Variants in SEL1L3 observed in about 807,000 individuals in gnomAD.
The protein encoded by SEL1L3 is SEL1L family member 3.
In SEL1L3, 76 loss-of-function variants were observed where a neutral mutation model predicts 142.8. That is an observed-to-expected ratio of 0.53 (90% CI 0.44 to 0.64). SEL1L3 has a LOEUF of 0.64. SEL1L3 is among the 30% of genes least tolerant of loss of function. The probability of loss-of-function intolerance (pLI) is 0.00; values close to 1 mark genes in which losing one functional copy is unlikely to be tolerated. For missense variants in SEL1L3, 1,262 were observed against 1,381.7 expected (o/e 0.91, Z 1.37); for synonymous variants, 504 against 519.6 (o/e 0.97, Z 0.41).
intron 23 of SEL1L3, among the ~76,000 whole-genome samples, chr4:25,753,870 G>A (rs2109113659): frequency 6.6e-6 from 1 of 152,206 alleles, no homozygotes; most frequent in South Asian, 2.1e-4. Context: ...TGTAATTCCA[G>A]CTACTCAGGA....
At position 25,847,348 on chromosome 4, in the gene SEL1L3, C is replaced by A. The variant is rs1362787667; in HGVS notation, c.679G>T (p.Gly227Cys). ...TTTGCCCGAAGGTTCCAAATATAAC[C>A]CATGTTCCACTCAAGGCACACTTGA... ...DHQVCLEWNM[G>C]YIWNLRANRI... The change falls in exon 2 of 24, where the codon GGT becomes TGT. Residue 227 changes from glycine to cysteine, a missense_variant. Physicochemically the swap from Gly to Cys is radical, Grantham distance 159 (BLOSUM62 -3). Coordinates refer to ENST00000399878, the MANE Select transcript of SEL1L3 (RefSeq NM_015187.5). 1 of 1,613,888 alleles carries A rather than the reference C, an allele frequency of 6.2e-7. No individual in the cohort carries two copies. The highest frequency in any genetic ancestry group is 1.3e-5 in the African/African-American group (1 of 75,008).
At chr4:25,731,010 A>C in the SEL1L3 span, among the ~76,000 whole-genome samples, 1 of 152,318 alleles carries the variant, frequency 6.6e-6, no homozygotes, top group South Asian at 2.1e-4. Flanking sequence ...CAGCCTGAGC[A>C]ACAGAGCGAG....
At chr4:25,814,184 A>G (rs1278756681) in intron 9 of SEL1L3, among the ~76,000 whole-genome samples, 2 of 84,112 alleles carry the variant, frequency 2.4e-5, no homozygotes, top group Admixed American at 1.5e-4. Context: ...AAATTCCAGA[A>G]AAAAAAAATC....
chr4:25,741,194 T>C, the SEL1L3 span, among the ~76,000 whole-genome samples: 1 of 151,262 alleles, frequency 6.6e-6, no homozygotes, highest in South Asian at 2.1e-4. Flanking sequence ...AACCTTCACC[T>C]CCCGGGTTCA....
At chr4:25,838,724 A>G (rs2109295776) in intron 2 of SEL1L3, among the ~76,000 whole-genome samples, 1 of 152,282 alleles carries the variant, frequency 6.6e-6, no homozygotes, top group Non-Finnish European at 1.5e-5. Flanking sequence ...TTCAGCACTA[A>G]GGCTAGCACC....
At chr4:25,818,331 TC>T in intron 8 of SEL1L3, 53 bp from the exon 9 acceptor site, 8 of 1,475,038 alleles carry the variant, frequency 5.4e-6, no homozygotes, top group Non-Finnish European at 7.3e-6. Flanking sequence ...AAGATAAGAC[TC>T]ACCTCCCTAA....
chr4:25,765,301 G>A, intron 20 of SEL1L3, 25 bp downstream of exon 20: 6 of 1,506,556 alleles, frequency 4.0e-6, no homozygotes, highest in Non-Finnish European at 5.5e-6. Context: ...GCCAAGAGCT[G>A]GTTTTTGTTG....
chr4:25,769,998 CAT>C, intron 17 of SEL1L3, among the ~76,000 whole-genome samples: 1 of 152,154 alleles, frequency 6.6e-6, no homozygotes, highest in South Asian at 2.1e-4. Flanking sequence ...CATGGTGGTG[CAT>C]GCCTGTAATC....
chr4:25,863,371 C>G, upstream of SEL1L3: 1 of 669,726 alleles, frequency 1.5e-6, no homozygotes, highest in South Asian at 1.6e-5. Flanking sequence ...TCCTTTTCCT[C>G]CCTTTCCTCT....
chr4:25,840,828 A>G (rs766653765), intron 2 of SEL1L3, among the ~76,000 whole-genome samples: 7 of 152,026 alleles, frequency 4.6e-5, no homozygotes, highest in Admixed American at 3.9e-4. Context: ...TCAGAATCCT[A>G]CTCAACACCA....
At chr4:25,858,539 T>TTTG (rs561854508) in intron 1 of SEL1L3, among the ~76,000 whole-genome samples, 3 of 152,236 alleles carry the variant, frequency 2.0e-5, no homozygotes, top group East Asian at 3.9e-4. Flanking sequence ...GTTCTGTTTT[T>TTTG]TTGTTGTTGT....
rs1239763331 is a variant in SEL1L3, at chr4:25,793,878, T to G, written c.1957-3304A>C. 2.6e-5 allele frequency among the ~76,000 whole-genome samples: 4 copies of G among 152,294 alleles called. No individual in the cohort carries two copies. In the East Asian group the frequency reaches 7.7e-4, roughly 29 times the overall value. On this transcript the variant is annotated intron_variant, in intron 11 of 23. Coordinates refer to ENST00000399878, the MANE Select transcript of SEL1L3 (RefSeq NM_015187.5). The stretch of plus-strand genomic sequence containing the variant: ...CAATTTCTGACCTCATAAGGTTGCA[T>G]GAGGATTAAATGAGATTGTTTGTCT...
chr4:25,855,938 G>T (rs572244070), intron 1 of SEL1L3, among the ~76,000 whole-genome samples: 2 of 152,076 alleles, frequency 1.3e-5, no homozygotes, highest in African/African-American at 4.8e-5. Context: ...TCCCAGCCTC[G>T]TTAATTCCTT....
At position 25,819,895 on chromosome 4, in the gene SEL1L3, A is replaced by T. The variant is rs779386757; in HGVS notation, c.1336T>A (p.Leu446Ile). The change falls in exon 8 of 24, where the codon TTA becomes ATA. Residue 446 changes from leucine (L) to isoleucine (I), a missense_variant. Coordinates refer to ENST00000399878, the MANE Select transcript of SEL1L3 (RefSeq NM_015187.5). Reference protein sequence around the residue: ...LEKQLAEQIKLYYERCAEVQE... With the variant: ...LEKQLAEQIKIYYERCAEVQE... Reference sequence around the variant, plus strand: ...ACCTCAGCACACCTTTCATAATATAACTTGATTTGTTCAGCAAGTTGCTTC... The same window carrying T: ...ACCTCAGCACACCTTTCATAATATATCTTGATTTGTTCAGCAAGTTGCTTC... 6.2e-7 allele frequency: 1 copy of T among 1,612,856 alleles called. No individual in the cohort carries two copies. Among genetic ancestry groups the T allele is most frequent in the African/African-American group, 1.3e-5 (1 of 74,892 alleles).
chr4:25,789,232 G>A (rs980941323), intron 12 of SEL1L3, among the ~76,000 whole-genome samples: 4 of 151,934 alleles, frequency 2.6e-5, no homozygotes, highest in Non-Finnish European at 1.5e-5. Flanking sequence ...ATAACTTCCA[G>A]CAAAGTATCG....
intron 9 of SEL1L3, among the ~76,000 whole-genome samples, chr4:25,806,340 T>C (rs1405904629): frequency 6.6e-6 from 1 of 151,484 alleles, no homozygotes. Context: ...CCCGGCAAAA[T>C]GTTTTTTTTT....
chr4:25,813,428 T>C (rs1432124918), intron 9 of SEL1L3, among the ~76,000 whole-genome samples: 4 of 152,238 alleles, frequency 2.6e-5, no homozygotes, highest in East Asian at 3.9e-4. Context: ...GAGGACATTA[T>C]GCTAAGTGAA....
intron 3 of SEL1L3, among the ~76,000 whole-genome samples, chr4:25,834,752 C>T (rs986331238): frequency 6.6e-6 from 1 of 152,184 alleles, no homozygotes; most frequent in Non-Finnish European, 1.5e-5. Context: ...CCATTTTCAG[C>T]ATCTTCAATT....
chr4:25,762,785 C>T (rs2109130153), intron 20 of SEL1L3, among the ~76,000 whole-genome samples: 2 of 152,176 alleles, frequency 1.3e-5, no homozygotes, highest in Admixed American at 1.3e-4. Flanking sequence ...GAAGACCATC[C>T]TGCCCAACAT....
Sources: allele counts gnomAD v4.1 joint callset (sites outside exome capture counted in the v4.1 genomes callset), GRCh38; gene constraint gnomAD v4.1.1; transcripts MANE v1.5; gene names NCBI Gene and HGNC (gene_info 2026-07-23, HGNC 2026-07-21).